Variants in AKAP10 observed in about 807,000 individuals in gnomAD.
AKAP10 encodes A-kinase anchoring protein 10.
A neutral mutation model predicts 80.8 loss-of-function variants in AKAP10; 24 were observed. The ratio of observed to expected loss-of-function variants is 0.30; its 90% CI spans 0.22 to 0.42. AKAP10 has a LOEUF of 0.42. Ranked by LOEUF, AKAP10 falls within the 10% of genes least tolerant of loss-of-function variation. AKAP10 has a pLI of 1.00. For missense variants in AKAP10, 661 were observed against 794.9 expected (o/e 0.83, Z 2.03); for synonymous variants, 291 against 277.7 (o/e 1.05, Z -0.48).
chr17:19,946,386 G>A (rs867351088), intron 5 of AKAP10, among the ~76,000 whole-genome samples: 53 of 139,114 alleles, frequency 3.8e-4, no homozygotes, highest in African/African-American at 1.4e-3. Flanking sequence ...GGTATGTGAG[G>A]GTCTAGTTTC....
intron 1 of AKAP10, among the ~76,000 whole-genome samples, chr17:19,972,094 T>C (rs574770859): frequency 6.6e-6 from 1 of 152,322 alleles, no homozygotes; most frequent in Non-Finnish European, 1.5e-5. Context: ...CGACATAGAC[T>C]GTCTCAAAAA....
intron 4 of AKAP10, among the ~76,000 whole-genome samples, 196 bp downstream of exon 4, chr17:19,957,817 GA>G (rs1337783302): frequency 8.2e-6 from 1 of 122,674 alleles, no homozygotes; most frequent in African/African-American, 3.3e-5. Flanking sequence ...ACACTTCTTA[GA>G]AGGTCCAGTC....
intron 10 of AKAP10, among the ~76,000 whole-genome samples, chr17:19,930,851 C>T (rs758225304): frequency 5.3e-5 from 8 of 152,104 alleles, no homozygotes; most frequent in African/African-American, 1.9e-4. Context: ...GCTGGGATTA[C>T]AGGCATGAGC....
At chr17:19,933,216 G>A (rs374409824) in intron 9 of AKAP10, among the ~76,000 whole-genome samples, 12 of 151,982 alleles carry the variant, frequency 7.9e-5, no homozygotes, top group African/African-American at 2.7e-4. Flanking sequence ...ACGGGGTTTC[G>A]CCATGTTGGC....
intron 3 of AKAP10, among the ~76,000 whole-genome samples, chr17:19,961,334 AGAGT>A (rs2043347705): frequency 6.6e-6 from 1 of 151,970 alleles, no homozygotes; most frequent in Non-Finnish European, 1.5e-5. Context: ...CCTGCGCAAC[AGAGT>A]GAGACCCTGT....
intron 12 of AKAP10, among the ~76,000 whole-genome samples, chr17:19,911,651 C>T (rs189590136): frequency 4.8e-4 from 73 of 151,842 alleles, no homozygotes; most frequent in Admixed American, 4.5e-3. Flanking sequence ...CCAGCCACAA[C>T]ATGGAGAAAC....
chr17:19,928,204 G>A (rs745951656), intron 10 of AKAP10, among the ~76,000 whole-genome samples: 5 of 152,008 alleles, frequency 3.3e-5, no homozygotes, highest in African/African-American at 7.2e-5. Context: ...CAGCCTGGCT[G>A]ACAGAGTGAG....
At chr17:19,940,316 G>A (rs749237725) in intron 7 of AKAP10, among the ~76,000 whole-genome samples, 2 of 152,150 alleles carry the variant, frequency 1.3e-5, no homozygotes, top group South Asian at 2.1e-4. Flanking sequence ...AGGCAGAATC[G>A]AGTGTCTAAA....
chr17:19,967,972 G>A (rs12325689), intron 2 of AKAP10: 2,908 of 152,826 alleles, frequency 0.019, 75 homozygotes, highest in African/African-American at 0.064. Flanking sequence ...AGGCCGAGGC[G>A]GGCGGATCAC....
intron 13 of AKAP10, among the ~76,000 whole-genome samples, chr17:19,909,480 T>C (rs1401078870): frequency 6.6e-6 from 1 of 152,246 alleles, no homozygotes; most frequent in East Asian, 1.9e-4. Flanking sequence ...TGTCAACTAC[T>C]GGATACCTAA....
chr17:19,954,932 AG>A (rs1384307119), intron 4 of AKAP10, among the ~76,000 whole-genome samples: 1 of 152,012 alleles, frequency 6.6e-6, no homozygotes, highest in Non-Finnish European at 1.5e-5. Context: ...AAAAAAAAAA[AG>A]TCCTGATTGG....
intron 6 of AKAP10, 68 bp downstream of exon 6, chr17:19,941,758 G>A (rs2043052761): frequency 8.3e-7 from 1 of 1,209,016 alleles, no homozygotes; most frequent in Non-Finnish European, 1.1e-6. Flanking sequence ...TTAGCTGAGT[G>A]AAGCCCATTC....
intron 5 of AKAP10, 38 bp from the exon 6 acceptor site, chr17:19,941,948 A>C (rs773061280): frequency 3.1e-6 from 5 of 1,587,956 alleles, no homozygotes; most frequent in Non-Finnish European, 1.7e-6. Context: ...TTGCCACTAA[A>C]TTCAAACTAT....
intron 4 of AKAP10, 43 bp downstream of exon 4, chr17:19,957,971 A>T (rs1421195682): frequency 2.0e-6 from 3 of 1,516,788 alleles, no homozygotes; most frequent in Non-Finnish European, 2.7e-6. Flanking sequence ...TTAAAAAAAG[A>T]AAGTGAGACA....
intron 5 of AKAP10, 52 bp from the exon 6 acceptor site, chr17:19,941,962 T>C: frequency 6.5e-7 from 1 of 1,533,668 alleles, no homozygotes; most frequent in Non-Finnish European, 8.9e-7. Flanking sequence ...AAACTATGTA[T>C]ACACACTTGT....
At chr17:19,928,937 T>C (rs1184186299) in intron 10 of AKAP10, among the ~76,000 whole-genome samples, 1 of 152,156 alleles carries the variant, frequency 6.6e-6, no homozygotes, top group African/African-American at 2.4e-5. Flanking sequence ...ACAGTAGCAT[T>C]ATTGATAAAT....
intron 13 of AKAP10, 60 bp from the exon 14 acceptor site, chr17:19,909,336 A>T: frequency 7.1e-7 from 1 of 1,402,200 alleles, no homozygotes. Flanking sequence ...CGAGATGCAC[A>T]TACTCAGTGC....
At chr17:19,963,569 G>C (rs184929671) in intron 2 of AKAP10, among the ~76,000 whole-genome samples, 34 of 152,086 alleles carry the variant, frequency 2.2e-4, no homozygotes, top group Admixed American at 2.2e-3. Flanking sequence ...TAAAATTGCA[G>C]AATAAATGCT....
chr17:19,951,714 A>G (rs1445826689), intron 4 of AKAP10, among the ~76,000 whole-genome samples: 1 of 152,050 alleles, frequency 6.6e-6, no homozygotes, highest in African/African-American at 2.4e-5. Context: ...GTTAAGAGTC[A>G]TCACCACTCC....
Sources: gnomAD v4.1 joint callset for allele counts (sites outside exome capture counted in the v4.1 genomes callset) on GRCh38, gnomAD v4.1.1 for gene constraint, MANE v1.5 for transcripts, NCBI Gene and HGNC (gene_info 2026-07-23, HGNC 2026-07-21) for gene names.